Variants in TRPM7 observed in about 807,000 individuals in gnomAD.
TRPM7 encodes transient receptor potential cation channel subfamily M member 7, also known as LTRPC ion channel family member 7.
TRPM7 carries 134 observed loss-of-function variants against 229.7 expected under a neutral mutation model. The observed-to-expected ratio is 0.58, with a 90% CI of 0.51 to 0.67. TRPM7 has a LOEUF of 0.67. Ranked by LOEUF, TRPM7 falls within the 30% of genes least tolerant of loss-of-function variation. The pLI, the probability that TRPM7 is intolerant of heterozygous loss-of-function variation, is 0.00. For missense variants in TRPM7, 1,901 were observed against 2,210.0 expected (o/e 0.86, Z 2.80); for synonymous variants, 699 against 715.2 (o/e 0.98, Z 0.36).
rs781555450 is a variant in TRPM7, at chr15:50,613,709, T to G, written c.1768A>C (p.Lys590Gln). The G allele has an allele frequency of 6.4e-6, 10 of 1,558,300 alleles. No individual in the cohort carries two copies. The East Asian group carries it at 2.3e-4, about 36-fold the overall frequency. ...FIKTAQPYRP[K>Q]IDTVMEEGKK... ...GAATAATATTTAAATAAATTTACCT[T>G]TGGTCGGTAGGGCTGTGCTGTCTTA... The change falls in exon 15 of 39, where the codon AAG becomes CAG. Residue 590 changes from lysine to glutamine, a missense_variant and splice_region_variant. Physicochemically the swap from Lys to Gln is moderately conservative, Grantham distance 53. This residue lies in a region of TRPM7 where 794 missense variants were observed against 881.9 expected (regional missense o/e 0.90). Coordinates refer to ENST00000646667, the MANE Select transcript of TRPM7 (RefSeq NM_017672.6).
chr15:50,569,344 T>C (rs967307597), intron 38 of TRPM7, among the ~76,000 whole-genome samples: 11 of 152,182 alleles, frequency 7.2e-5, no homozygotes, highest in Admixed American at 6.5e-4. Flanking sequence ...AGACAATATA[T>C]TTACAGTTCC....
intron 2 of TRPM7, among the ~76,000 whole-genome samples, chr15:50,662,288 T>C (rs572285553): frequency 9.3e-5 from 14 of 151,144 alleles, no homozygotes; most frequent in Middle Eastern, 3.4e-3. Flanking sequence ...TGGAGGGAGC[T>C]TGTACTCCAG....
At chr15:50,576,986 C>T (rs901711555) in intron 31 of TRPM7, among the ~76,000 whole-genome samples, 3 of 152,074 alleles carry the variant, frequency 2.0e-5, no homozygotes, top group African/African-American at 4.8e-5. Context: ...GTGGCACCCA[C>T]CTGTAGTCCT....
At position 50,568,172 on chromosome 15, in the gene TRPM7, A is replaced by G. The variant is rs139769788; in HGVS notation, c.5467+1715T>C. ...AAATTTCTTCAGCCTCATAAAGTGCATCTACAAAATCCTTAAAGTTAACAT... is the reference window on the plus strand; with the variant it reads ...AAATTTCTTCAGCCTCATAAAGTGCGTCTACAAAATCCTTAAAGTTAACAT... On this transcript the variant is annotated intron_variant, in intron 38 of 38. Transcript: ENST00000646667. Among the ~76,000 whole-genome samples, 278 of 151,122 alleles carry G rather than the reference A, an allele frequency of 1.8e-3. 1 individual carries two copies. The highest frequency in any genetic ancestry group is 6.2e-3 in the African/African-American group (255 of 41,252).
At chr15:50,653,463 G>C (rs1024037878) in intron 3 of TRPM7, among the ~76,000 whole-genome samples, 1 of 152,170 alleles carries the variant, frequency 6.6e-6, no homozygotes, top group African/African-American at 2.4e-5. Context: ...TGGAATCTAG[G>C]TGTGGTCTCG....
chr15:50,613,651 TA>T (rs2060127919), intron 15 of TRPM7, 55 bp downstream of exon 15: 1 of 1,411,996 alleles, frequency 7.1e-7, no homozygotes, highest in Non-Finnish European at 9.3e-7. Flanking sequence ...TAATACTAAG[TA>T]ATTTAGAAAG....
chr15:50,677,749 A>C (rs1300085830), intron 1 of TRPM7, among the ~76,000 whole-genome samples: 3 of 148,316 alleles, frequency 2.0e-5, no homozygotes, highest in South Asian at 2.1e-4. Context: ...AAAAAAAAAA[A>C]AAAAAAAAAA....
In TRPM7 at chr15:50,558,603, G is replaced by A. The variant is rs2053205814; in HGVS notation, c.*3075C>T. The A allele has an allele frequency of 6.6e-6, 1 of 152,104 alleles. No homozygotes were observed. The highest frequency in any genetic ancestry group is 6.5e-5 in the Admixed American group (1 of 15,268). 9.4% of individuals were successfully genotyped at this position (152,104 alleles called of 1,614,324 possible). A position where few individuals can be genotyped will look rare whatever the true frequency, so the allele number is the denominator to read the frequency against. Reference sequence around the variant, plus strand: ...AGCTACTTTGGAGGCTGAAGCACGAGAATTGCTTGATCTTGGGAGGCAGAG... The same window carrying A: ...AGCTACTTTGGAGGCTGAAGCACGAAAATTGCTTGATCTTGGGAGGCAGAG... On this transcript the variant is annotated 3_prime_UTR_variant, in exon 39 of 39. Transcript: ENST00000646667.
At chr15:50,583,711 G>A (rs998627475) in intron 28 of TRPM7, among the ~76,000 whole-genome samples, 1 of 151,912 alleles carries the variant, frequency 6.6e-6, no homozygotes, top group Non-Finnish European at 1.5e-5. Flanking sequence ...CTAGTAGCTG[G>A]CATTACAGGC....
intron 1 of TRPM7, among the ~76,000 whole-genome samples, chr15:50,678,567 T>G (rs2140977417): frequency 6.7e-6 from 1 of 150,186 alleles, no homozygotes; most frequent in African/African-American, 2.4e-5. Flanking sequence ...TATACATAAT[T>G]TTATTATGTC....
chr15:50,660,920 T>G (rs577030300), intron 2 of TRPM7, among the ~76,000 whole-genome samples: 289 of 151,902 alleles, frequency 1.9e-3, no homozygotes, highest in Admixed American at 4.2e-3. Context: ...AATTGACCAA[T>G]AGTAGAACAG....
intron 10 of TRPM7, among the ~76,000 whole-genome samples, chr15:50,629,518 T>C (rs1397099482): frequency 6.6e-6 from 1 of 151,318 alleles, no homozygotes; most frequent in Non-Finnish European, 1.5e-5. Context: ...AGCAATCTGC[T>C]TGCCTCAGCC....
intron 1 of TRPM7, among the ~76,000 whole-genome samples, chr15:50,664,966 AAAAT>A (rs1162647271): frequency 7.9e-5 from 12 of 152,216 alleles, no homozygotes; most frequent in South Asian, 2.1e-4. Flanking sequence ...CCCTGTCTTA[AAAAT>A]AAATAAATAA....
intron 1 of TRPM7, 94 bp downstream of exon 1, chr15:50,686,437 A>G: frequency 6.2e-7 from 1 of 1,601,508 alleles, no homozygotes; most frequent in Non-Finnish European, 8.6e-7. Context: ...CGCCGCATGG[A>G]ACGCGGCTCC....
At chr15:50,678,248 AAAACAAAAAC>A (rs1446034006) in intron 1 of TRPM7, among the ~76,000 whole-genome samples, 2 of 126,078 alleles carry the variant, frequency 1.6e-5, no homozygotes, top group Non-Finnish European at 1.7e-5. Flanking sequence ...TCAAAAAAAA[AAAACAAAAAC>A]AAAAACAAAA....
chr15:50,662,547 A>G (rs1284415434), intron 2 of TRPM7, among the ~76,000 whole-genome samples: 1 of 152,158 alleles, frequency 6.6e-6, no homozygotes, highest in African/African-American at 2.4e-5. Context: ...AAAAAGAATG[A>G]CTATTATTAG....
In TRPM7 at chr15:50,575,789, G is replaced by A; in HGVS notation, c.4670C>T (p.Ala1557Val). The A allele has an allele frequency of 1.2e-6, 2 of 1,613,454 alleles. No homozygotes were observed. The highest frequency in any genetic ancestry group is 1.7e-6 in the Non-Finnish European group (2 of 1,179,708). ...CCTCATCAAGTTATTTCTTTCCACAGCTGCATAAAAATGAGAGAGAAATAA... is the reference window on the plus strand; with the variant it reads ...CCTCATCAAGTTATTTCTTTCCACAACTGCATAAAAATGAGAGAGAAATAA... Reference protein sequence around the residue: ...PAMDTNYYYSAVERNNLMRLS... With the variant: ...PAMDTNYYYSVVERNNLMRLS... The change falls in exon 33 of 39, where the codon GCT becomes GTT. Residue 1557 changes from alanine to valine, a missense_variant and splice_region_variant. Ala to Val is a moderately conservative substitution (Grantham distance 64). Transcript: ENST00000646667.
Position 50,558,225 on chromosome 15 carries a change from G to C in TRPM7, c.*3453C>G, listed in dbSNP as rs985449381. ...GAAACCACCAATGGTCATCATGCTT[G>C]AGAGTCAATACAGCACATAATTCAC... On this transcript the variant is annotated 3_prime_UTR_variant, in exon 39 of 39. Coordinates refer to ENST00000646667, the MANE Select transcript of TRPM7 (RefSeq NM_017672.6). 6.6e-6 allele frequency: 1 copy of C among 152,156 alleles called. No homozygotes were observed. Among genetic ancestry groups the C allele is most frequent in the Admixed American group, 6.6e-5 (1 of 15,262 alleles). 9.4% of individuals were successfully genotyped at this position (152,156 alleles called of 1,614,324 possible). A position where few individuals can be genotyped will look rare whatever the true frequency, so the allele number is the denominator to read the frequency against.
intron 1 of TRPM7, among the ~76,000 whole-genome samples, chr15:50,677,417 A>C (rs1015300236): frequency 5.6e-5 from 8 of 143,258 alleles, no homozygotes; most frequent in Middle Eastern, 3.6e-3. Context: ...AACAACAACA[A>C]CACACACACA....
Sources: gnomAD v4.1 joint callset for allele counts (sites outside exome capture counted in the v4.1 genomes callset) on GRCh38, gnomAD v4.1.1 for gene constraint, gnomAD v4.1.1 regional missense constraint, MANE v1.5 for transcripts, NCBI Gene and HGNC (gene_info 2026-07-23, HGNC 2026-07-21) for gene names.